Variants in UBR4 observed in about 807,000 individuals in gnomAD.
UBR4 encodes E3 ubiquitin-protein ligase UBR4.
UBR4 carries 124 observed loss-of-function variants against 575.6 expected under a neutral mutation model. The observed-to-expected ratio is 0.22, with a 90% confidence interval of 0.19 to 0.25. The LOEUF (loss-of-function observed/expected upper bound fraction) is 0.25, where lower values mean the gene tolerates loss of function less well. UBR4 is among the 10% of genes least tolerant of loss of function. The pLI is 1.00. For synonymous variants in UBR4, 2,455 were observed against 2,473.7 expected, an observed-to-expected ratio of 0.99 and a Z score of 0.22; for missense variants, 4,818 against 6,478.8, an observed-to-expected ratio of 0.74 and a Z score of 8.80.
At chr1:19,209,201 T>C (rs1053029960) in intron 1 of UBR4, among the ~76,000 whole-genome samples, 9 of 152,344 alleles carry the variant, frequency 5.9e-5, no homozygotes, top group Admixed American at 3.3e-4. Context: ...CAGTTAACAA[T>C]TGCAGGGAGT....
intron 18 of UBR4, 100 bp from the exon 19 acceptor site, chr1:19,177,843 C>A: frequency 7.7e-7 from 1 of 1,303,842 alleles, no homozygotes; most frequent in Non-Finnish European, 1.0e-6. Context: ...TAAACCCAGG[C>A]AGTAAGATAA....
chr1:19,085,699 A>C lies in UBR4; in HGVS notation c.14813+446T>G, dbSNP rs563129667. On this transcript the variant is annotated intron_variant, in intron 101 of 105. Transcript: ENST00000375254. ...CCTCACAGATGCTTTAGCTATTCTTATCTGGGTTTTTAGGACCAGGAAGGC... is the reference window on the plus strand; with the variant it reads ...CCTCACAGATGCTTTAGCTATTCTTCTCTGGGTTTTTAGGACCAGGAAGGC... Among the ~76,000 whole-genome samples the C allele has an allele frequency of 2.0e-5, 3 of 152,246 alleles. No homozygotes were observed. The South Asian group carries it at 6.2e-4, about 32-fold the overall frequency.
chr1:19,167,178 A>T lies in UBR4; in HGVS notation c.3953T>A (p.Leu1318His), dbSNP rs1163581554. 1 of 1,614,104 alleles carries T rather than the reference A, an allele frequency of 6.2e-7. No individual in the cohort carries two copies. The highest frequency in any genetic ancestry group is 8.5e-7 in the Non-Finnish European group (1 of 1,180,050). ...AACACTCTCAGTGCTTGATTCCAAA[A>T]GAAGAGGTAGCAGTGTCCGAATTAC... ...PQVIRTLLPL[L>H]LESSTESVAE... Residue 1318 changes from leucine (L) to histidine (H), a missense_variant, in exon 29 of 106, where the codon CTT becomes CAT. Coordinates refer to ENST00000375254, the MANE Select transcript of UBR4 (RefSeq NM_020765.3).
chr1:19,100,501 T>G lies in UBR4; in HGVS notation c.13096A>C (p.Arg4366=). 1 of 1,614,132 alleles carries G rather than the reference T, an allele frequency of 6.2e-7. No homozygotes were observed. Among genetic ancestry groups the G allele is most frequent in the Non-Finnish European group, 8.5e-7 (1 of 1,180,022 alleles). ...CTGCTATACGGGTTCCCAGGCATCC[T>G]GCCCTGTAAGAAGTCTTCTTGTTGG... The part of the protein sequence containing the change: ...DPQQEDFLQG[R]MPGNPYSSNE... The change falls in exon 89 of 106, where the codon AGG becomes CGG. Residue 4366 remains arginine, a synonymous_variant. Transcript: ENST00000375254. This position sits in a 1 kb window ranked among gnomAD's most constrained non-coding sequence, Gnocchi z 4.2.
In UBR4 at chr1:19,100,094, G is replaced by A. The variant is rs947936478; in HGVS notation, c.13221+282C>T. The A allele has an allele frequency of 2.7e-5, 13 of 483,642 alleles. No individual in the cohort carries two copies. Among genetic ancestry groups the A allele is most frequent in the South Asian group, 6.5e-5 (2 of 30,790 alleles). The allele number at this position is 483,642 out of a possible 1,614,324, so 30.0% of individuals were successfully genotyped here. On this transcript the variant is annotated intron_variant, in intron 89 of 105. Transcript: ENST00000375254. This position sits in a 1 kb window ranked among gnomAD's most constrained non-coding sequence, Gnocchi z 4.2. Reference sequence around the variant, plus strand: ...CAGACTCACCGAGAAGTCTCTGCCAGAGGCAATAACGATAATAAATACCCA... The same window carrying A: ...CAGACTCACCGAGAAGTCTCTGCCAAAGGCAATAACGATAATAAATACCCA...
chr1:19,149,238 C>T (rs1477019883), intron 49 of UBR4, among the ~76,000 whole-genome samples: 1 of 152,084 alleles, frequency 6.6e-6, no homozygotes, highest in Non-Finnish European at 1.5e-5. Flanking sequence ...GTAACATGCT[C>T]CCCAGGGTTT....
At chr1:19,182,923 CATAT>C (rs2091147378) in intron 17 of UBR4, among the ~76,000 whole-genome samples, 1 of 152,028 alleles carries the variant, frequency 6.6e-6, no homozygotes, top group Non-Finnish European at 1.5e-5. Flanking sequence ...CATACACATA[CATAT>C]ACATATATGA....
At chr1:19,126,387 A>G (rs1251037690) in intron 64 of UBR4, 59 bp downstream of exon 64, 1 of 1,603,088 alleles carries the variant, frequency 6.2e-7, no homozygotes, top group Non-Finnish European at 8.5e-7. Flanking sequence ...CACCGCGAGG[A>G]AAGAGAAGAG....
chr1:19,130,847 G>A (rs897393159), intron 60 of UBR4, among the ~76,000 whole-genome samples: 5 of 152,144 alleles, frequency 3.3e-5, no homozygotes, highest in Admixed American at 1.3e-4. Context: ...TCAACAAAAT[G>A]AGCAGAGTCT....
intron 60 of UBR4, among the ~76,000 whole-genome samples, chr1:19,132,604 G>GAAAAAAAAA (rs1557716278): frequency 2.0e-4 from 4 of 19,946 alleles, no homozygotes; most frequent in African/African-American, 3.6e-4. Context: ...GTAAAAAATG[G>GAAAAAAAAA]TAAAAAAAAA....
intron 11 of UBR4, among the ~76,000 whole-genome samples, chr1:19,188,972 AAATAAT>A (rs1302961529): frequency 6.6e-6 from 1 of 152,190 alleles, no homozygotes; most frequent in Non-Finnish European, 1.5e-5. Flanking sequence ...ACCTCTGTAA[AAATAAT>A]AATAAAAAAA....
intron 8 of UBR4, among the ~76,000 whole-genome samples, chr1:19,196,472 T>C (rs2092461583): frequency 6.6e-6 from 1 of 152,206 alleles, no homozygotes; most frequent in Non-Finnish European, 1.5e-5. Flanking sequence ...ACCAGAGATA[T>C]GATATGTCTC....
Position 19,210,140 on chromosome 1 carries a change from G to A in UBR4, c.109C>T (p.Leu37=). 6.3e-7 allele frequency: 1 copy of A among 1,581,952 alleles called. No individual in the cohort carries two copies. Among genetic ancestry groups the A allele is most frequent in the Non-Finnish European group, 8.6e-7 (1 of 1,167,268 alleles). The part of the protein sequence containing the change: ...PGWEVAVRPL[L]SASYSAFEMK... ...TCGAAGGCGGAGTAGGACGCGGACA[G>A]CAGGGGCCGCACAGCCACCTCCCAG... The change falls in exon 1 of 106, where the codon CTG becomes TTG. Residue 37 remains leucine, a synonymous_variant. Transcript: ENST00000375254.
rs1410891148 is a variant in UBR4 at position 19,093,638 on chromosome 1, C to CT, written c.13938-153dup. 1 of 889,068 alleles carries CT rather than the reference C, an allele frequency of 1.1e-6. No homozygotes were observed. Among genetic ancestry groups the CT allele is most frequent in the African/African-American group, 1.7e-5 (1 of 59,036 alleles). The allele number at this position is 889,068 out of a possible 1,614,324, so 55.1% of individuals were successfully genotyped here. On this transcript the variant is annotated intron_variant, in intron 95 of 105. Coordinates refer to ENST00000375254, the MANE Select transcript of UBR4 (RefSeq NM_020765.3). This position sits in a 1 kb window ranked among gnomAD's most constrained non-coding sequence, Gnocchi z 4.8. ...GACCTATCTGCCCCGGCTCCTGCCA[C>CT]TCTCCCTGTTTACCTGCTATGTCTC...
At chr1:19,132,048 A>G (rs956975544) in intron 60 of UBR4, among the ~76,000 whole-genome samples, 6 of 152,252 alleles carry the variant, frequency 3.9e-5, no homozygotes, top group Non-Finnish European at 8.8e-5. Context: ...CAGAATTTAG[A>G]AAATAATTTG....
chr1:19,122,670 C>T (rs1180045354), intron 66 of UBR4, among the ~76,000 whole-genome samples, 163 bp downstream of exon 66: 1 of 152,216 alleles, frequency 6.6e-6, no homozygotes, highest in Admixed American at 6.5e-5. Flanking sequence ...ACACATGGTA[C>T]AGCACCCAGA....
Position 19,152,317 on chromosome 1 carries a change from G to A in UBR4, c.6992C>T (p.Thr2331Ile). The A allele has an allele frequency of 6.2e-7, 1 of 1,613,918 alleles. No individual in the cohort carries two copies. The highest frequency in any genetic ancestry group is 8.5e-7 in the Non-Finnish European group (1 of 1,179,838). ...CCAGCCCAGTGCCATTCTTACCTTG[G>A]TGTTGGCCACATACATGCCAGTGGA... ...LNSTGMYVAN[T>I]KPGGFTIEIS... The change falls in exon 47 of 106, where the codon ACC becomes ATC. Residue 2331 changes from threonine to isoleucine, a missense_variant. Thr to Ile is a moderately conservative substitution (Grantham distance 89, BLOSUM62 -1). This residue lies in a region of UBR4 where 461 missense variants were observed against 606.9 expected (regional missense o/e 0.76). Transcript: ENST00000375254. This position sits in a 1 kb window ranked among gnomAD's most constrained non-coding sequence, Gnocchi z 4.4.
chr1:19,176,622 C>T lies in UBR4; in HGVS notation c.2743G>A (p.Glu915Lys). ...TPLYHGFKEV[E>K]ENWSKHFSSD... ...GAGAAATGCTTAGACCAGTTTTCTT[C>T]TACTTCTTTGAATCCATGATAGAGA... The change falls in exon 20 of 106, where the codon GAA (glutamate) becomes AAA (lysine). Residue 915 changes from glutamate to lysine, a missense_variant. Coordinates refer to ENST00000375254, the MANE Select transcript of UBR4 (RefSeq NM_020765.3). 6.2e-7 allele frequency: 1 copy of T among 1,613,932 alleles called. No individual in the cohort carries two copies. Among genetic ancestry groups the T allele is most frequent in the South Asian group, 1.1e-5 (1 of 91,072 alleles).
chr1:19,119,014 A>AAAT (rs2080890748), intron 70 of UBR4, 57 bp from the exon 71 acceptor site: 1 of 1,546,336 alleles, frequency 6.5e-7, no homozygotes, highest in African/African-American at 1.4e-5. Context: ...TCTTATTGGA[A>AAAT]AAGACTTTTG....
Sources: gnomAD v4.1 joint callset for allele counts (sites outside exome capture counted in the v4.1 genomes callset) on GRCh38, gnomAD v4.1.1 for gene constraint, gnomAD v4.1.1 regional missense constraint, Gnocchi (gnomAD v3.1) non-coding constraint, MANE v1.5 for transcripts, NCBI Gene and HGNC (gene_info 2026-07-23, HGNC 2026-07-21) for gene names.